The following TMEM132D variants were observed in gnomAD, a reference collection of about 807,000 sequenced individuals.
The protein encoded by TMEM132D is transmembrane protein 132D.
A neutral mutation model predicts 62.3 loss-of-function variants in TMEM132D; 21 were observed. The observed-to-expected ratio is 0.34, with a 90% CI of 0.24 to 0.49. TMEM132D has a LOEUF of 0.49. Among genes scored for constraint, TMEM132D ranks in the 20% least tolerant of loss-of-function variants. TMEM132D has a pLI of 0.99. For synonymous variants in TMEM132D, 621 were observed against 575.6 expected (o/e 1.08, Z -1.13); for missense variants, 1,346 against 1,402.8 (o/e 0.96, Z 0.65).
chr12:129,869,044 G>A (rs1312426613), intron 1 of TMEM132D, among the ~76,000 whole-genome samples: 1 of 140,250 alleles, frequency 7.1e-6, no homozygotes, highest in Non-Finnish European at 1.5e-5. Flanking sequence ...CTCAGCCACT[G>A]TGTTTTTATT....
Position 129,143,580 on chromosome 12 carries a change from G to T in TMEM132D, c.1444-58878C>A, listed in dbSNP as rs532397111. On this transcript the variant is annotated intron_variant, in intron 5 of 8. Coordinates refer to ENST00000422113, the MANE Select transcript of TMEM132D (RefSeq NM_133448.3). ...CAGCAGAGAGATTCTGTTTCCTGAA[G>T]CCTAATATATCCAACATTAAAACGA... is the stretch of plus-strand genomic sequence containing the variant. Among the ~76,000 whole-genome samples, 8 of 152,300 alleles carry T rather than the reference G, an allele frequency of 5.3e-5. No homozygotes were observed. The East Asian group carries it at 1.2e-3, about 22-fold the overall frequency.
chr12:129,215,316 T>C (rs2135570357), intron 4 of TMEM132D, among the ~76,000 whole-genome samples: 1 of 152,186 alleles, frequency 6.6e-6, no homozygotes, highest in East Asian at 1.9e-4. Context: ...CAACACACAC[T>C]GGGGCCTATG....
chr12:129,304,809 G>A (rs541509225), intron 4 of TMEM132D, among the ~76,000 whole-genome samples: 74 of 151,930 alleles, frequency 4.9e-4, no homozygotes, highest in Non-Finnish European at 8.1e-4. Flanking sequence ...GATTATAGGC[G>A]TGCGCCACTA....
At chr12:129,693,109 C>A (rs2137218376) in intron 2 of TMEM132D, among the ~76,000 whole-genome samples, 1 of 152,156 alleles carries the variant, frequency 6.6e-6, no homozygotes, top group East Asian at 1.9e-4. Context: ...AGAACATGAA[C>A]AAAAAGCCTA....
chr12:129,193,334 GT>G (rs112488553), intron 5 of TMEM132D, among the ~76,000 whole-genome samples: 5 of 149,198 alleles, frequency 3.4e-5, no homozygotes, highest in East Asian at 2.0e-4. Context: ...ACATAGCAAT[GT>G]TTTTTTTTTG....
intron 1 of TMEM132D, among the ~76,000 whole-genome samples, chr12:129,830,926 G>A (rs1340956232): frequency 2.4e-4 from 37 of 152,092 alleles, no homozygotes; most frequent in Non-Finnish European, 7.3e-5. Flanking sequence ...TCTAAGTCAC[G>A]AGAATTCAAG....
In TMEM132D at chr12:129,272,280, A is replaced by G. The variant is rs1028210249; in HGVS notation, c.1300-62617T>C. The stretch of plus-strand genomic sequence containing the variant: ...TGCTCAATCAGGGTCTACATTTTAG[A>G]CAGATCAGTAAGTTGTGTGTGCATC... On this transcript the variant is annotated intron_variant, in intron 4 of 8. Coordinates refer to ENST00000422113, the MANE Select transcript of TMEM132D (RefSeq NM_133448.3). Among the ~76,000 whole-genome samples, 5 of 151,772 alleles carry G rather than the reference A, an allele frequency of 3.3e-5. 1 individual carries two copies. Among genetic ancestry groups the G allele is most frequent in the African/African-American group, 1.2e-4 (5 of 41,074 alleles).
At chr12:129,447,399 A>G (rs952635641) in intron 3 of TMEM132D, among the ~76,000 whole-genome samples, 18 of 152,208 alleles carry the variant, frequency 1.2e-4, no homozygotes, top group African/African-American at 4.1e-4. Context: ...GAAAACTGGT[A>G]TCGTTTGCAA....
chr12:129,753,855 T>A lies in TMEM132D; in HGVS notation c.80-53157A>T, dbSNP rs58749461. ...AAGTATTACTTCATTTTTCCCCCTA[T>A]AATTCTTTCTCATCTTTGTCATAAC... On this transcript the variant is annotated intron_variant, in intron 1 of 8. Coordinates refer to ENST00000422113, the MANE Select transcript of TMEM132D (RefSeq NM_133448.3). 6.2e-3 allele frequency among the ~76,000 whole-genome samples: 952 copies of A among 152,352 alleles called. 12 individuals are homozygous for A. Among genetic ancestry groups the A allele is most frequent in the African/African-American group, 0.022 (905 of 41,576 alleles).
At chr12:129,270,208 A>G (rs77686133) in intron 4 of TMEM132D, among the ~76,000 whole-genome samples, 14,042 of 152,036 alleles carry the variant, frequency 0.092, 817 homozygotes, top group Admixed American at 0.18. Context: ...TATCATCTGT[A>G]TCTCTGCCGA....
intron 2 of TMEM132D, among the ~76,000 whole-genome samples, chr12:129,539,306 A>G (rs1422459265): frequency 4.0e-5 from 6 of 149,550 alleles, no homozygotes; most frequent in Admixed American, 3.4e-4. Context: ...ACCTCGGCTC[A>G]CTGCAACCTC....
At chr12:129,821,339 C>A (rs77563153) in intron 1 of TMEM132D, among the ~76,000 whole-genome samples, 1,637 of 152,242 alleles carry the variant, frequency 0.011, 20 homozygotes, top group African/African-American at 0.038. Context: ...ATGCTCCCCA[C>A]AGCTGGAGAA....
chr12:129,892,856 C>T (rs937335023), intron 1 of TMEM132D, among the ~76,000 whole-genome samples: 3 of 151,938 alleles, frequency 2.0e-5, no homozygotes, highest in African/African-American at 7.3e-5. Flanking sequence ...TGCATAATGG[C>T]GCCTGTTTTA....
In TMEM132D at chr12:129,401,987, ATG is replaced by A. The variant is rs1871637732; in HGVS notation, c.1116-64172_1116-64171del. On this transcript the variant is annotated intron_variant, in intron 3 of 8. Coordinates refer to ENST00000422113, the MANE Select transcript of TMEM132D (RefSeq NM_133448.3). ...GCTGCAATTCAATACAACCAGGTAC[ATG>A]AGGGAGGGTGGCACGTTCTCAGTGA... 2.0e-5 allele frequency among the ~76,000 whole-genome samples: 3 copies of A among 152,184 alleles called. No homozygotes were observed. In the South Asian group the frequency reaches 6.2e-4, roughly 32 times the overall value.
chr12:129,214,936 T>C (rs1260147930), intron 4 of TMEM132D, among the ~76,000 whole-genome samples: 1 of 152,180 alleles, frequency 6.6e-6, no homozygotes, highest in Non-Finnish European at 1.5e-5. Flanking sequence ...GAAATACATT[T>C]GACCCAGCAA....
intron 1 of TMEM132D, among the ~76,000 whole-genome samples, chr12:129,866,218 T>A (rs1874054801): frequency 2.6e-5 from 4 of 152,128 alleles, no homozygotes; most frequent in Admixed American, 2.6e-4. Context: ...ATCAAAAAGA[T>A]GAGAAATGAG....
intron 1 of TMEM132D, among the ~76,000 whole-genome samples, chr12:129,785,186 T>C (rs1437762611): frequency 6.6e-6 from 1 of 152,078 alleles, no homozygotes. Context: ...GGGGCCAGGA[T>C]TGCAGCAATG....
intron 3 of TMEM132D, among the ~76,000 whole-genome samples, chr12:129,465,019 T>C (rs1873836942): frequency 6.6e-6 from 1 of 150,682 alleles, no homozygotes. Flanking sequence ...AAGGCATTGG[T>C]AGCTTGATGG....
At chr12:129,453,054 T>C (rs559841481) in intron 3 of TMEM132D, among the ~76,000 whole-genome samples, 10 of 152,264 alleles carry the variant, frequency 6.6e-5, no homozygotes, top group African/African-American at 2.4e-4. Context: ...AGGGGCAGCA[T>C]TAGATTCTCA....
Sources: gnomAD v4.1 joint callset for allele counts (sites outside exome capture counted in the v4.1 genomes callset) on GRCh38, gnomAD v4.1.1 for gene constraint, MANE v1.5 for transcripts, NCBI Gene and HGNC (gene_info 2026-07-23, HGNC 2026-07-21) for gene names.